CTNNA2: variants seen among roughly 807,000 people sequenced by gnomAD.
CTNNA2 encodes the protein catenin alpha-2.
A neutral mutation model predicts 101.0 loss-of-function variants in CTNNA2; 42 were observed. The ratio of observed to expected loss-of-function variants is 0.42; its 90% confidence interval spans 0.32 to 0.54. The LOEUF is 0.54. Among genes scored for constraint, CTNNA2 ranks in the 20% least tolerant of loss-of-function variants. CTNNA2 has a pLI of 0.14. For synonymous variants in CTNNA2, 450 were observed against 456.4 expected, an observed-to-expected ratio of 0.99 and a Z score of 0.18; for missense variants, 871 against 1,223.1, an observed-to-expected ratio of 0.71 and a Z score of 4.29.
chr2:80,277,855 G>C (rs1035796598), intron 7 of CTNNA2, among the ~76,000 whole-genome samples: 4 of 152,062 alleles, frequency 2.6e-5, no homozygotes, highest in Non-Finnish European at 4.4e-5. Flanking sequence ...GCCCTGTTCT[G>C]CCCTTCATGA....
At chr2:79,777,736 A>G (rs74822060) in intron 3 of CTNNA2, among the ~76,000 whole-genome samples, 22,566 of 152,180 alleles carry the variant, frequency 0.15, 1,837 homozygotes, top group Admixed American at 0.2. Context: ...TTATTTCTCC[A>G]TTTAGAGGAA....
At chr2:79,591,850 C>A (rs1365229096) in intron 1 of CTNNA2, among the ~76,000 whole-genome samples, 1 of 151,112 alleles carries the variant, frequency 6.6e-6, no homozygotes, top group African/African-American at 2.4e-5. Context: ...TCCTGCTGCA[C>A]CTGATTTGTT....
chr2:79,870,583 C>A (rs1439929379), intron 5 of CTNNA2, among the ~76,000 whole-genome samples: 1 of 152,028 alleles, frequency 6.6e-6, no homozygotes, highest in Admixed American at 6.6e-5. Context: ...TTAGTTTGTT[C>A]TCATGCTGTT....
chr2:80,348,269 TTTGAAAA>T (rs1309024186), intron 7 of CTNNA2, among the ~76,000 whole-genome samples: 1 of 152,236 alleles, frequency 6.6e-6, no homozygotes, highest in African/African-American at 2.4e-5. Context: ...TATCTGCTTA[TTTGAAAA>T]TTGATGGATA....
chr2:80,085,460 C>A (rs546831490), intron 7 of CTNNA2, among the ~76,000 whole-genome samples: 10 of 152,070 alleles, frequency 6.6e-5, no homozygotes, highest in African/African-American at 2.2e-4. Flanking sequence ...CCGAATAGTT[C>A]TAGTAACTTT....
chr2:80,576,219 A>G (rs968441438), intron 13 of CTNNA2: 1 of 152,094 alleles, frequency 6.6e-6, no homozygotes, highest in Admixed American at 6.6e-5. Context: ...TTGGCAGTCA[A>G]TACATATTTA....
intron 7 of CTNNA2, among the ~76,000 whole-genome samples, chr2:80,085,643 A>C (rs1388383785): frequency 6.6e-6 from 1 of 151,958 alleles, no homozygotes; most frequent in Non-Finnish European, 1.5e-5. Context: ...TACTAAAGCC[A>C]TTATTTCATC....
chr2:79,268,268 G>A (rs1420248635), intron 2 of CTNNA2, among the ~76,000 whole-genome samples: 1 of 152,100 alleles, frequency 6.6e-6, no homozygotes, highest in African/African-American at 2.4e-5. Context: ...CAGAATAACA[G>A]AGAGGAATCT....
At chr2:80,210,504 G>A (rs1343339395) in intron 7 of CTNNA2, among the ~76,000 whole-genome samples, 1 of 152,076 alleles carries the variant, frequency 6.6e-6, no homozygotes, top group African/African-American at 2.4e-5. Context: ...GAGAATGATG[G>A]TTTCCAGCTT....
chr2:79,462,380 G>A (rs1157395801), intron 4 of CTNNA2, among the ~76,000 whole-genome samples: 1 of 152,166 alleles, frequency 6.6e-6, no homozygotes, highest in Non-Finnish European at 1.5e-5. Flanking sequence ...GCCTTCCCAG[G>A]AAGAATTGTG....
rs1309113450 is a variant in CTNNA2, at chr2:79,228,645, A to G, written c.-406+30569A>G. 2.6e-5 allele frequency among the ~76,000 whole-genome samples: 4 copies of G among 151,448 alleles called. No homozygotes were observed. The East Asian group carries it at 5.8e-4, about 22-fold the overall frequency. ...TTTAAGTTCCTTGTAGATTCTGGATATTAGACTTTTGTCACATGCATAGTT... is the reference window on the plus strand; with the variant it reads ...TTTAAGTTCCTTGTAGATTCTGGATGTTAGACTTTTGTCACATGCATAGTT... On this transcript the variant is annotated intron_variant, in intron 2 of 21. Coordinates refer to the CTNNA2 transcript ENST00000466387.
chr2:79,431,081 G>A (rs1678655080), intron 4 of CTNNA2, among the ~76,000 whole-genome samples: 1 of 152,064 alleles, frequency 6.6e-6, no homozygotes. Flanking sequence ...AGAATTGTGA[G>A]GAGAATCCTA....
At chr2:80,134,389 C>G (rs962844860) in intron 7 of CTNNA2, among the ~76,000 whole-genome samples, 1 of 152,122 alleles carries the variant, frequency 6.6e-6, no homozygotes, top group Non-Finnish European at 1.5e-5. Flanking sequence ...TGCTGACCCT[C>G]CCCCAAACCC....
chr2:79,882,451 T>C (rs1297300021), intron 6 of CTNNA2, among the ~76,000 whole-genome samples: 6 of 152,124 alleles, frequency 3.9e-5, no homozygotes, highest in African/African-American at 7.2e-5. Flanking sequence ...CCAATGAGGA[T>C]GGATGGGTCA....
At chr2:80,528,930 A>G (rs187638888) in intron 9 of CTNNA2, among the ~76,000 whole-genome samples, 23 of 152,324 alleles carry the variant, frequency 1.5e-4, no homozygotes, top group Non-Finnish European at 2.1e-4. Context: ...ATGAATGGTG[A>G]CATAGGGGTT....
chr2:80,510,148 C>T (rs990689794), intron 9 of CTNNA2, among the ~76,000 whole-genome samples: 5 of 152,202 alleles, frequency 3.3e-5, no homozygotes. Context: ...TCCCTGTTAA[C>T]TTTCAAAAAT....
chr2:80,644,498 T>G (rs1232384161), intron 18 of CTNNA2, among the ~76,000 whole-genome samples: 1 of 152,128 alleles, frequency 6.6e-6, no homozygotes. Flanking sequence ...GGAAGTGAAG[T>G]TTTAGCCAAC....
chr2:79,212,173 C>T (rs939069469), intron 2 of CTNNA2, among the ~76,000 whole-genome samples: 2 of 152,038 alleles, frequency 1.3e-5, no homozygotes, highest in Admixed American at 6.6e-5. Context: ...GGGGATAGCA[C>T]CAGGAGATAT....
intron 7 of CTNNA2, among the ~76,000 whole-genome samples, chr2:80,318,752 G>C (rs766392290): frequency 4.6e-5 from 7 of 152,162 alleles, no homozygotes; most frequent in Non-Finnish European, 1.0e-4. Flanking sequence ...TGAAAAATCA[G>C]ATTGGACCTT....
Sources: gnomAD v4.1 joint callset for allele counts (sites outside exome capture counted in the v4.1 genomes callset) on GRCh38, gnomAD v4.1.1 for gene constraint, MANE v1.5 for transcripts, NCBI Gene and HGNC (gene_info 2026-07-23, HGNC 2026-07-21) for gene names.